Variants in PAK3 observed in about 807,000 individuals in gnomAD.
PAK3 encodes the protein serine/threonine-protein kinase PAK 3.
PAK3 carries 4 observed loss-of-function variants against 41.0 expected under a neutral mutation model. That is an observed-to-expected ratio of 0.10 (90% CI 0.05 to 0.22). PAK3 has a LOEUF of 0.22. Among genes scored for constraint, PAK3 ranks in the 10% least tolerant of loss-of-function variants. The pLI is 1.00. For synonymous variants in PAK3, 146 were observed against 139.6 expected (o/e 1.05, Z -0.32); for missense variants, 205 against 409.9 (o/e 0.50, Z 4.32).
At chrX:110,984,600 C>T (rs779775843) in intron 1 of PAK3, among the ~76,000 whole-genome samples, 13 of 111,987 alleles carry the variant, frequency 1.2e-4, no homozygotes, top group Non-Finnish European at 1.9e-4. Context: ...GTGCTCACAA[C>T]ACAGGCTGCT....
At chrX:111,073,008 A>G (rs1314380449) in intron 1 of PAK3, among the ~76,000 whole-genome samples, 1 of 111,770 alleles carries the variant, frequency 8.9e-6, no homozygotes, top group African/African-American at 3.3e-5. Flanking sequence ...AGAGGGCAGC[A>G]CCATTTAAGC....
intron 1 of PAK3, among the ~76,000 whole-genome samples, chrX:111,065,977 G>A (rs1056096154): frequency 9.0e-6 from 1 of 111,599 alleles, no homozygotes; most frequent in Non-Finnish European, 1.9e-5. Flanking sequence ...GTGTATTGAC[G>A]TTGTTTATTC....
chrX:111,179,007 A>ATATC (rs1162835480), intron 11 of PAK3, among the ~76,000 whole-genome samples: 5 of 99,096 alleles, frequency 5.0e-5, no homozygotes, highest in African/African-American at 2.1e-4. Flanking sequence ...GTATATCTAT[A>ATATC]TATCTATATA....
intron 5 of PAK3, among the ~76,000 whole-genome samples, chrX:111,135,157 T>C (rs1471442225): frequency 9.0e-6 from 1 of 110,807 alleles, no homozygotes; most frequent in Non-Finnish European, 1.9e-5. Context: ...GGGCCACTAA[T>C]AGCAATAAAA....
At chrX:111,112,540 AT>A (rs1322201973) in intron 4 of PAK3, among the ~76,000 whole-genome samples, 1 of 110,461 alleles carries the variant, frequency 9.1e-6, no homozygotes, top group Non-Finnish European at 1.9e-5. Flanking sequence ...TTCAAGTGCT[AT>A]ATCCTCTGAA....
At chrX:111,147,711 C>G (rs1250029008) in intron 6 of PAK3, 26 bp from the exon 7 acceptor site, 1 of 1,105,061 alleles carries the variant, frequency 9.0e-7, no homozygotes, top group African/African-American at 1.8e-5. Context: ...TCTGAGCTAC[C>G]ATTCTTTCCC....
intron 1 of PAK3, among the ~76,000 whole-genome samples, chrX:111,018,073 T>C (rs1241660958): frequency 9.0e-6 from 1 of 110,973 alleles, no homozygotes; most frequent in African/African-American, 3.3e-5. Flanking sequence ...AAACTAAAAA[T>C]AGAAGAAAAC....
chrX:111,190,389 G>A (rs1017409673), intron 11 of PAK3, among the ~76,000 whole-genome samples: 1 of 111,503 alleles, frequency 9.0e-6, no homozygotes, highest in Non-Finnish European at 1.9e-5. Flanking sequence ...GGGAATAATA[G>A]CATCTGCCTT....
intron 17 of PAK3, among the ~76,000 whole-genome samples, chrX:111,218,435 GAGAA>G (rs752561896): frequency 1.2e-4 from 13 of 112,318 alleles, no homozygotes; most frequent in African/African-American, 4.2e-4. Flanking sequence ...TGGTTGATTA[GAGAA>G]ATACTTCTGT....
At chrX:111,108,929 A>T (rs2093322238) in intron 4 of PAK3, among the ~76,000 whole-genome samples, 1 of 112,333 alleles carries the variant, frequency 8.9e-6, no homozygotes, top group Non-Finnish European at 1.9e-5. Context: ...ATGATATTTT[A>T]TACTTTTAAA....
chrX:110,985,373 AGT>A (rs1396418597), intron 1 of PAK3, among the ~76,000 whole-genome samples: 4 of 111,934 alleles, frequency 3.6e-5, no homozygotes, highest in African/African-American at 1.3e-4. Flanking sequence ...CTGCTTCTAG[AGT>A]GTTAACTCTG....
chrX:111,220,104 A>G lies in PAK3; in HGVS notation c.1546-254A>G, dbSNP rs772412775. 2.4e-4 allele frequency among the ~76,000 whole-genome samples: 27 copies of G among 111,349 alleles called. No individual in the cohort carries two copies. In the East Asian group the frequency reaches 7.1e-3, roughly 29 times the overall value. On this transcript the variant is annotated intron_variant, in intron 17 of 17. Coordinates refer to ENST00000372007, the MANE Select transcript of PAK3 (RefSeq NM_002578.5). ...CAGTTTAGGAAAATCAGAGAGTCAG[A>G]CTGTTGCAAACACAGTGAGGTTTTA...
Position 111,026,334 on chromosome X carries a change from G to T in PAK3, c.-28+81706G>T, listed in dbSNP as rs750021773. Among the ~76,000 whole-genome samples, 153 of 111,518 alleles carry T rather than the reference G, an allele frequency of 1.4e-3. 1 individual carries two copies. The highest frequency in any genetic ancestry group is 4.8e-3 in the African/African-American group (149 of 30,766). On this transcript the variant is annotated intron_variant, in intron 1 of 14. Coordinates refer to the PAK3 transcript ENST00000425146. Reference sequence around the variant, plus strand: ...ATCAGACAAGAGAAAGAAATAAAGGGCATCCAAATTGGTAAAGAGGAAGTC... The same window carrying T: ...ATCAGACAAGAGAAAGAAATAAAGGTCATCCAAATTGGTAAAGAGGAAGTC...
intron 1 of PAK3, among the ~76,000 whole-genome samples, chrX:110,946,687 T>C (rs2090626834): frequency 8.9e-6 from 1 of 112,588 alleles, no homozygotes; most frequent in Non-Finnish European, 1.9e-5. Context: ...CATTTACTTT[T>C]TGCACAAAAA....
chrX:111,126,392 A>T (rs2093648878), intron 5 of PAK3, among the ~76,000 whole-genome samples: 1 of 110,546 alleles, frequency 9.0e-6, no homozygotes, highest in African/African-American at 3.3e-5. Context: ...GAACTTTCTT[A>T]CCTTGGGGGT....
intron 1 of PAK3, among the ~76,000 whole-genome samples, chrX:111,088,280 G>A (rs775488666): frequency 1.3e-4 from 14 of 111,773 alleles, no homozygotes; most frequent in Admixed American, 1.1e-3. Flanking sequence ...TTTCACAGAT[G>A]AGGAAACTGA....
At chrX:111,004,820 C>A (rs1024158701) in intron 1 of PAK3, among the ~76,000 whole-genome samples, 1 of 112,070 alleles carries the variant, frequency 8.9e-6, no homozygotes, top group Middle Eastern at 4.2e-3. Context: ...TTGGTGATAA[C>A]TAGAGTATTC....
chrX:111,005,296 C>T (rs182906557), intron 1 of PAK3, among the ~76,000 whole-genome samples: 182 of 111,412 alleles, frequency 1.6e-3, no homozygotes, highest in Admixed American at 2.8e-3. Context: ...GTGCTGCACC[C>T]AACAGACTGA....
chrX:111,212,395 C>CT (rs1277498469), intron 16 of PAK3, among the ~76,000 whole-genome samples: 3 of 110,889 alleles, frequency 2.7e-5, no homozygotes, highest in African/African-American at 9.8e-5. Context: ...TAGCAATTTT[C>CT]TTTTTTTTAC....
Sources: gnomAD v4.1 joint callset for allele counts (sites outside exome capture counted in the v4.1 genomes callset) on GRCh38, gnomAD v4.1.1 for gene constraint, MANE v1.5 for transcripts, NCBI Gene and HGNC (gene_info 2026-07-23, HGNC 2026-07-21) for gene names.